The following ACAT2 variants were observed in gnomAD, a reference collection of about 807,000 sequenced individuals.
The protein encoded by ACAT2 is acetyl-CoA acetyltransferase 2.
ACAT2 carries 26 observed loss-of-function variants against 37.1 expected under a neutral mutation model. The observed-to-expected ratio is 0.70, with a 90% CI of 0.51 to 0.97. The LOEUF is 0.97. Ranked by LOEUF, ACAT2 falls within the 50% of genes least tolerant of loss-of-function variation. The pLI is 0.00. For missense variants in ACAT2, 468 were observed against 489.0 expected, an observed-to-expected ratio of 0.96 and a Z score of 0.40; for synonymous variants, 156 against 163.6, an observed-to-expected ratio of 0.95 and a Z score of 0.35.
chr6:159,766,668 T>A (rs756853295), intron 2 of ACAT2, among the ~76,000 whole-genome samples: 2 of 152,224 alleles, frequency 1.3e-5, no homozygotes, highest in African/African-American at 2.4e-5. Flanking sequence ...CCCAAAGTGC[T>A]GGGATTACAG....
chr6:159,762,064 G>A lies in ACAT2; in HGVS notation c.-24G>A, dbSNP rs1260996059. 2 of 1,612,040 alleles carry A rather than the reference G, an allele frequency of 1.2e-6. No homozygotes were observed. The highest frequency in any genetic ancestry group is 1.7e-6 in the Non-Finnish European group (2 of 1,179,024). The stretch of plus-strand genomic sequence containing the variant: ...TTGCCTAGCTTGCAGGCAGCGCAGG[G>A]CAGACGGCGGCAGGAGAAGCAAGAT... On this transcript the variant is annotated 5_prime_UTR_variant, in exon 1 of 9. Transcript: ENST00000367048.
chr6:159,778,321 T>G (rs1331450950), intron 8 of ACAT2, 41 bp downstream of exon 8: 3 of 1,398,236 alleles, frequency 2.1e-6, no homozygotes, highest in Non-Finnish European at 3.0e-6. Context: ...ACCAGTGAAT[T>G]TCACAATCCA....
intron 7 of ACAT2, 89 bp from the exon 8 acceptor site, chr6:159,778,081 T>C (rs537521407): frequency 1.3e-5 from 11 of 825,766 alleles, no homozygotes; most frequent in East Asian, 1.3e-4. Context: ...ACCAGTATCA[T>C]GCAGCATATA....
intron 4 of ACAT2, among the ~76,000 whole-genome samples, chr6:159,773,095 C>A (rs529463190): frequency 6.6e-6 from 1 of 152,048 alleles, no homozygotes; most frequent in Admixed American, 6.6e-5. Context: ...CTCAAGGGAT[C>A]CTCCCACCTC....
intron 7 of ACAT2, 148 bp from the exon 8 acceptor site, chr6:159,778,022 G>A (rs1386852040): frequency 7.3e-6 from 4 of 548,860 alleles, no homozygotes; most frequent in Admixed American, 3.5e-5. Flanking sequence ...AGGCAAAAAT[G>A]TGTGAGAATG....
Position 159,776,387 on chromosome 6 carries a change from TCTGC to T in ACAT2, c.757+117_757+120del, listed in dbSNP as rs1040218963. ...ACTATTTTTTGGGACAGGGACTCAC[TCTGC>T]CAGCCAGGTTCGTGTGCAGCAATAT... On this transcript the variant is annotated intron_variant, in intron 6 of 8. Coordinates refer to ENST00000367048, the MANE Select transcript of ACAT2 (RefSeq NM_005891.3). 5.8e-5 allele frequency: 74 copies of T among 1,285,088 alleles called. No homozygotes were observed. The African/African-American group carries it at 1.0e-3, about 18-fold the overall frequency. 79.6% of individuals were successfully genotyped at this position (1,285,088 alleles called of 1,614,324 possible).
chr6:159,776,510 C>T (rs1780416853), intron 6 of ACAT2, among the ~76,000 whole-genome samples: 1 of 152,178 alleles, frequency 6.6e-6, no homozygotes, highest in African/African-American at 2.4e-5. Flanking sequence ...GCATGAGCCA[C>T]CACACCCAAC....
intron 3 of ACAT2, among the ~76,000 whole-genome samples, chr6:159,768,241 T>C (rs1013308597): frequency 1.8e-4 from 27 of 152,316 alleles, no homozygotes; most frequent in African/African-American, 6.5e-4. Context: ...AATGGAATTC[T>C]TAAGGAAACA....
chr6:159,775,030 C>A, intron 4 of ACAT2, 140 bp from the exon 5 acceptor site: 2 of 922,202 alleles, frequency 2.2e-6, no homozygotes, highest in South Asian at 3.8e-5. Flanking sequence ...CAGGGCCACC[C>A]CACACAGAGC....
intron 4 of ACAT2, among the ~76,000 whole-genome samples, chr6:159,769,833 GA>G (rs894516582): frequency 2.3e-4 from 35 of 151,984 alleles, no homozygotes; most frequent in African/African-American, 8.2e-4. Flanking sequence ...AGGGGGAGAA[GA>G]AAAAAAGAGC....
At chr6:159,762,546 G>C in intron 1 of ACAT2, 1 of 1,317,200 alleles carries the variant, frequency 7.6e-7, no homozygotes, top group Non-Finnish European at 9.8e-7. Flanking sequence ...GGGTCGGGCT[G>C]TCACACAATG....
chr6:159,767,816 G>T (rs1475116983), intron 3 of ACAT2, among the ~76,000 whole-genome samples: 1 of 152,200 alleles, frequency 6.6e-6, no homozygotes, highest in Non-Finnish European at 1.5e-5. Flanking sequence ...GAGGAGGCAG[G>T]CTAAAGGTAA....
intron 4 of ACAT2, among the ~76,000 whole-genome samples, chr6:159,772,440 A>C (rs1234216446): frequency 6.6e-6 from 1 of 152,232 alleles, no homozygotes; most frequent in East Asian, 1.9e-4. Context: ...GCTTGTTTTC[A>C]ACAAAGGCAT....
chr6:159,775,920 G>A (rs1323836000), intron 5 of ACAT2: 1 of 425,490 alleles, frequency 2.4e-6, no homozygotes, highest in Non-Finnish European at 4.2e-6. Context: ...CCTCAGGAAG[G>A]CCTATGGATT....
intron 2 of ACAT2, 96 bp downstream of exon 2, chr6:159,763,149 C>G (rs560311977): frequency 2.0e-6 from 3 of 1,484,732 alleles, no homozygotes; most frequent in Non-Finnish European, 2.7e-6. Context: ...CACACTCTCT[C>G]ACTCACTCAA....
rs1562474546 is a variant in ACAT2 at position 159,763,128 on chromosome 6, T to TCA, written c.190+81_190+82dup. 9.3e-6 allele frequency: 13 copies of TCA among 1,403,782 alleles called. No individual in the cohort carries two copies. The East Asian group carries it at 2.3e-4, about 25-fold the overall frequency. The allele number at this position is 1,403,782 out of a possible 1,614,324, so 87.0% of individuals were successfully genotyped here. On this transcript the variant is annotated intron_variant, in intron 2 of 8. Transcript: ENST00000367048. ...TAAACACACACACACACACACACTC[T>TCA]CACACACTCACACACTCTCTCACTC... is the stretch of plus-strand genomic sequence containing the variant.
intron 4 of ACAT2, among the ~76,000 whole-genome samples, chr6:159,773,594 C>T (rs1049057594): frequency 6.6e-6 from 1 of 152,056 alleles, no homozygotes; most frequent in African/African-American, 2.4e-5. Flanking sequence ...GTTGTAACTG[C>T]CCAAATTTTG....
chr6:159,767,920 A>G (rs901672422), intron 3 of ACAT2, among the ~76,000 whole-genome samples: 3 of 152,208 alleles, frequency 2.0e-5, no homozygotes, highest in African/African-American at 7.2e-5. Flanking sequence ...ACAGCCCCAT[A>G]TAGGGTAGAT....
At chr6:159,762,639 T>C in intron 1 of ACAT2, 1 of 1,433,124 alleles carries the variant, frequency 7.0e-7, no homozygotes, top group Non-Finnish European at 9.2e-7. Flanking sequence ...TTGGGAAGCA[T>C]GGGGTCGCAT....
Sources: allele counts gnomAD v4.1 joint callset (sites outside exome capture counted in the v4.1 genomes callset), GRCh38; gene constraint gnomAD v4.1.1; transcripts MANE v1.5; gene names NCBI Gene and HGNC (gene_info 2026-07-23, HGNC 2026-07-21).